The following MTRR variants were observed in gnomAD, a reference collection of about 807,000 sequenced individuals.
MTRR encodes 5-methyltetrahydrofolate-homocysteine methyltransferase reductase.
In MTRR, 63 loss-of-function variants were observed where a neutral mutation model predicts 79.2. The ratio of observed to expected loss-of-function variants is 0.80; its 90% confidence interval spans 0.65 to 0.98. The LOEUF is 0.98. MTRR is among the 50% of genes least tolerant of loss of function. The pLI, the probability that MTRR is intolerant of heterozygous loss-of-function variation, is 0.00. For synonymous variants in MTRR, 355 were observed against 313.3 expected (o/e 1.13, Z -1.41); for missense variants, 895 against 839.6 (o/e 1.07, Z -0.82).
intron 1 of MTRR, among the ~76,000 whole-genome samples, chr5:7,856,583 C>A (rs1193623318): frequency 1.3e-4 from 19 of 151,854 alleles, no homozygotes; most frequent in Admixed American, 1.2e-3. Context: ...AAACAGCTTA[C>A]AAGACGTGTC....
rs1468791806 is a variant in MTRR at position 7,873,343 on chromosome 5, G to A, written c.130-30G>A. 22 of 1,613,604 alleles carry A rather than the reference G, an allele frequency of 1.4e-5. No individual in the cohort carries two copies. In the South Asian group the frequency reaches 1.6e-4, roughly 12 times the overall value. On this transcript the variant is annotated intron_variant, in intron 2 of 14. Transcript: ENST00000440940. ...TAAATCAAAAATGCATGTAGTGTTA[G>A]GTCCCTGACTTGATATCCTTGTTTT...
At chr5:7,852,790 A>G (rs985367737) in intron 1 of MTRR, among the ~76,000 whole-genome samples, 1 of 151,840 alleles carries the variant, frequency 6.6e-6, no homozygotes, top group African/African-American at 2.4e-5. Flanking sequence ...AACTTCTCTC[A>G]ATGTCTCCAA....
At chr5:7,852,377 C>T (rs1313229132) in intron 1 of MTRR, among the ~76,000 whole-genome samples, 2 of 152,130 alleles carry the variant, frequency 1.3e-5, no homozygotes. Context: ...CGCTTTTTCT[C>T]TCTCTTTTTA....
chr5:7,889,304 G>T (rs746907713), intron 9 of MTRR, 29 bp downstream of exon 9: 1 of 1,611,948 alleles, frequency 6.2e-7, no homozygotes, highest in Non-Finnish European at 8.5e-7. Flanking sequence ...AAGCACCTTG[G>T]TGGCTGTTCG....
chr5:7,875,462 C>T, intron 4 of MTRR, 87 bp downstream of exon 4: 1 of 1,173,986 alleles, frequency 8.5e-7, no homozygotes, highest in Non-Finnish European at 1.3e-6. Flanking sequence ...TTTCACTTAA[C>T]ACTGAAATTT....
intron 4 of MTRR, among the ~76,000 whole-genome samples, chr5:7,876,755 A>G (rs1734621703): frequency 6.6e-6 from 1 of 152,194 alleles, no homozygotes; most frequent in Admixed American, 6.5e-5. Context: ...TCTGTGCAAT[A>G]GATAACAGTA....
chr5:7,888,279 G>T lies in MTRR; in HGVS notation c.1147-816G>T, dbSNP rs369121082. Among the ~76,000 whole-genome samples the T allele has an allele frequency of 1.8e-4, 27 of 152,290 alleles. No individual in the cohort carries two copies. The East Asian group carries it at 4.8e-3, about 27-fold the overall frequency. ...TTTGTCATCTTGTTCTCCAAAAACA[G>T]TGCAGTATTTCCTGTTGTAGTACCA... On this transcript the variant is annotated intron_variant, in intron 8 of 14. Transcript: ENST00000440940.
At chr5:7,880,953 A>G (rs2126713634) in intron 5 of MTRR, among the ~76,000 whole-genome samples, 1 of 152,304 alleles carries the variant, frequency 6.6e-6, no homozygotes, top group East Asian at 1.9e-4. Flanking sequence ...CTTTGGGAGA[A>G]GGACTGCAGA....
At chr5:7,878,651 A>G (rs1212976965) in intron 5 of MTRR, among the ~76,000 whole-genome samples, 1 of 152,268 alleles carries the variant, frequency 6.6e-6, no homozygotes, top group African/African-American at 2.4e-5. Context: ...TCTGTATTTG[A>G]AGAAGTAGAT....
At chr5:7,871,295 C>T (rs1747953946) in intron 2 of MTRR, among the ~76,000 whole-genome samples, 1 of 152,138 alleles carries the variant, frequency 6.6e-6, no homozygotes, top group African/African-American at 2.4e-5. Flanking sequence ...AAAAGAAAGG[C>T]CTTGCCGTGC....
intron 10 of MTRR, among the ~76,000 whole-genome samples, chr5:7,891,858 C>T (rs1414458845): frequency 1.3e-5 from 2 of 151,910 alleles, no homozygotes; most frequent in Non-Finnish European, 2.9e-5. Context: ...CTGGCTAACA[C>T]GGTGAAACCC....
intron 3 of MTRR, 77 bp downstream of exon 3, chr5:7,873,603 T>C (rs1030804278): frequency 1.3e-6 from 2 of 1,521,938 alleles, no homozygotes; most frequent in Non-Finnish European, 1.8e-6. Context: ...TTCAGAACTA[T>C]GAAGTGTGAT....
At chr5:7,873,175 G>T (rs996059933) in intron 2 of MTRR, among the ~76,000 whole-genome samples, 198 bp from the exon 3 acceptor site, 2 of 152,186 alleles carry the variant, frequency 1.3e-5, no homozygotes, top group Non-Finnish European at 2.9e-5. Context: ...CAGACGCATG[G>T]TTTCCTTGAA....
At chr5:7,884,863 CAAACTTCCTAACAGAAAAA>C (rs956073901) in intron 6 of MTRR, among the ~76,000 whole-genome samples, 5 of 151,834 alleles carry the variant, frequency 3.3e-5, no homozygotes, top group African/African-American at 1.2e-4. Flanking sequence ...TAGATTTAAT[CAAACTTCCTAACAGAAAAA>C]AATACAATGT....
intron 6 of MTRR, among the ~76,000 whole-genome samples, chr5:7,884,130 C>T (rs1446213786): frequency 1.3e-5 from 2 of 152,142 alleles, no homozygotes; most frequent in Non-Finnish European, 2.9e-5. Context: ...TGCCACTGCA[C>T]TCCAGCCTGG....
intron 2 of MTRR, among the ~76,000 whole-genome samples, chr5:7,863,688 T>A (rs1561098824): frequency 6.6e-6 from 1 of 152,186 alleles, no homozygotes; most frequent in East Asian, 1.9e-4. Context: ...TAAACGATGC[T>A]GGAGAAAATG....
intron 1 of MTRR, chr5:7,859,489 T>C: frequency 1.2e-6 from 2 of 1,607,304 alleles, no homozygotes; most frequent in Non-Finnish European, 8.5e-7. Context: ...TTTGTAAATA[T>C]TCCACCAATT....
At position 7,892,749 on chromosome 5, in the gene MTRR, A is replaced by G. The variant is rs754790059; in HGVS notation, c.1393A>G (p.Lys465Glu). The G allele has an allele frequency of 5.0e-6, 8 of 1,614,108 alleles. 1 individual carries two copies. Among genetic ancestry groups the G allele is most frequent in the South Asian group, 4.4e-5 (4 of 91,092 alleles). ...CAGCTCAAGTTTATTTCACCCAGGA[A>G]AGCTCCATTTTGTCTTCAACATTGT... ...CASSSLFHPG[K>E]LHFVFNIVEF... Residue 465 changes from lysine to glutamate, a missense_variant, in exon 11 of 15, where the codon AAG becomes GAG. By Grantham distance (56) the Lys-to-Glu change is moderately conservative. Transcript: ENST00000440940.
chr5:7,873,315 A>G (rs1748319527), intron 2 of MTRR, 58 bp from the exon 3 acceptor site: 3 of 1,599,024 alleles, frequency 1.9e-6, no homozygotes, highest in Non-Finnish European at 2.6e-6. Flanking sequence ...TTTGCTGCTG[A>G]GTTAAATCAA....
Sources: allele counts gnomAD v4.1 joint callset (sites outside exome capture counted in the v4.1 genomes callset), GRCh38; gene constraint gnomAD v4.1.1; transcripts MANE v1.5; gene names NCBI Gene and HGNC (gene_info 2026-07-23, HGNC 2026-07-21).